The following AFF4 variants were observed in gnomAD, a reference collection of about 807,000 sequenced individuals.
AFF4 encodes the protein ALF transcription elongation factor 4.
A neutral mutation model predicts 124.8 loss-of-function variants in AFF4; 13 were observed. That is an observed-to-expected ratio of 0.10 (90% CI 0.07 to 0.17). AFF4 has a LOEUF of 0.17. Ranked by LOEUF, AFF4 falls within the 10% of genes least tolerant of loss-of-function variation. The pLI, the probability that AFF4 is intolerant of heterozygous loss-of-function variation, is 1.00. For missense variants in AFF4, 1,092 were observed against 1,403.8 expected (o/e 0.78, Z 3.55); for synonymous variants, 477 against 496.1 (o/e 0.96, Z 0.51).
chr5:132,958,267 A>G (rs1327198514), intron 1 of AFF4, among the ~76,000 whole-genome samples: 1 of 152,098 alleles, frequency 6.6e-6, no homozygotes, highest in Non-Finnish European at 1.5e-5. Flanking sequence ...GAGGTACACC[A>G]GCCTGGACAA....
chr5:132,881,232 T>A (rs1317585475), intron 20 of AFF4, 46 bp from the exon 21 acceptor site: 2 of 1,592,034 alleles, frequency 1.3e-6, no homozygotes, highest in African/African-American at 2.7e-5. Flanking sequence ...CTCTTTTGAA[T>A]CACTGCTTTA....
At chr5:132,959,870 T>A (rs535859336) in intron 1 of AFF4, among the ~76,000 whole-genome samples, 73 of 144,964 alleles carry the variant, frequency 5.0e-4, no homozygotes, top group South Asian at 2.2e-4. Flanking sequence ...GTTCACGCCA[T>A]TCTGCTGCCT....
At chr5:132,941,935 A>G (rs2150104424) in intron 1 of AFF4, among the ~76,000 whole-genome samples, 1 of 151,166 alleles carries the variant, frequency 6.6e-6, no homozygotes, top group East Asian at 2.0e-4. Flanking sequence ...TGAACCCAGG[A>G]GGCAGAGGTT....
chr5:132,957,536 C>A (rs1361786970), intron 1 of AFF4, among the ~76,000 whole-genome samples: 1 of 151,924 alleles, frequency 6.6e-6, no homozygotes, highest in Non-Finnish European at 1.5e-5. Context: ...AGTTCGAGAT[C>A]AGCCTGGTCA....
rs760998648 is a variant in AFF4 at position 132,886,328 on chromosome 5, T to C, written c.3081A>G (p.Thr1027=). Residue 1027 remains threonine, a synonymous_variant, in exon 18 of 21, where the codon ACA becomes ACG. Coordinates refer to ENST00000265343, the MANE Select transcript of AFF4 (RefSeq NM_014423.4). ...TACTTACCTTCAGGTGCTCTGTCAG[T>C]GTCTTTGAGTACTTCAGAGCATTTT... The part of the protein sequence containing the change: ...KKENALKYSK[T]LTEHLKNSYN... 5 of 1,613,928 alleles carry C rather than the reference T, an allele frequency of 3.1e-6. No homozygotes were observed. Among genetic ancestry groups the C allele is most frequent in the Admixed American group, 1.7e-5 (1 of 59,962 alleles).
Position 132,897,069 on chromosome 5 carries a change from G to A in AFF4, c.1561C>T (p.Pro521Ser). 1 of 1,614,046 alleles carries A rather than the reference G, an allele frequency of 6.2e-7. No homozygotes were observed. Residue 521 changes from proline to serine, a missense_variant, in exon 11 of 21, where the codon CCT becomes TCT. By Grantham distance (74) the Pro-to-Ser change is moderately conservative (BLOSUM62 -1). Coordinates refer to ENST00000265343, the MANE Select transcript of AFF4 (RefSeq NM_014423.4). ...TGNSYTDTSGPKETSSATPGR... is the reference protein window; with the variant it reads ...TGNSYTDTSGSKETSSATPGR... ...GGAGTAGCGGAACTCGTTTCTTTAG[G>A]TCCACTTGTATCAGTGTAGCTATTC...
chr5:132,927,396 A>G, intron 4 of AFF4, 189 bp from the exon 5 acceptor site: 1 of 486,914 alleles, frequency 2.1e-6, no homozygotes. Context: ...AAGATTAATA[A>G]ATGCTCCCTG....
At chr5:132,962,278 A>C (rs1762096994) in intron 1 of AFF4, among the ~76,000 whole-genome samples, 1 of 152,230 alleles carries the variant, frequency 6.6e-6, no homozygotes, top group South Asian at 2.1e-4. Flanking sequence ...TTACATTTAC[A>C]GTCTATTCAC....
chr5:132,889,798 A>G (rs1373387805), intron 13 of AFF4, among the ~76,000 whole-genome samples: 4 of 151,776 alleles, frequency 2.6e-5, no homozygotes, highest in African/African-American at 4.9e-5. Flanking sequence ...TCTCATCCAC[A>G]TGTCTTTTTT....
intron 1 of AFF4, among the ~76,000 whole-genome samples, chr5:132,959,127 A>ATTT (rs70974064): frequency 1.4e-5 from 2 of 143,182 alleles, no homozygotes; most frequent in Non-Finnish European, 3.1e-5. Context: ...CAGGTTACAG[A>ATTT]TTTTTTTTTT....
chr5:132,893,429 C>A (rs530125417), intron 11 of AFF4, among the ~76,000 whole-genome samples: 1 of 152,242 alleles, frequency 6.6e-6, no homozygotes, highest in Non-Finnish European at 1.5e-5. Flanking sequence ...ACATAAAATT[C>A]ACTCTTTAGA....
Position 132,883,443 on chromosome 5 carries a change from C to T in AFF4, c.3261G>A (p.Gln1087=), listed in dbSNP as rs369587813. 243 of 1,613,956 alleles carry T rather than the reference C, an allele frequency of 1.5e-4. No homozygotes were observed. Among genetic ancestry groups the T allele is most frequent in the Non-Finnish European group, 1.9e-4 (229 of 1,180,030 alleles). Reference sequence around the variant, plus strand: ...AGCTGGCTGCCATCTGGTGGATCTTCTGTGGAATGGTCACTGAAGAACCAC... The same window carrying T: ...AGCTGGCTGCCATCTGGTGGATCTTTTGTGGAATGGTCACTGAAGAACCAC... The part of the protein sequence containing the change: ...SASGSSVTIP[Q]KIHQMAASYV... Residue 1087 remains glutamine, a synonymous_variant, in exon 20 of 21, where the codon CAG becomes CAA. Transcript: ENST00000265343.
chr5:132,932,119 G>A, intron 4 of AFF4, 59 bp downstream of exon 4: 1 of 1,269,236 alleles, frequency 7.9e-7, no homozygotes, highest in Non-Finnish European at 1.1e-6. Context: ...AAGAGGGTAA[G>A]AAGGTGGCAG....
intron 12 of AFF4, among the ~76,000 whole-genome samples, chr5:132,892,824 AAAGG>A (rs1279886209): frequency 1.3e-5 from 2 of 152,206 alleles, no homozygotes; most frequent in Non-Finnish European, 2.9e-5. Context: ...AAAAATGAAT[AAAGG>A]AAGAACTAAT....
chr5:132,903,376 C>A (rs1361819198), intron 6 of AFF4, among the ~76,000 whole-genome samples: 1 of 152,124 alleles, frequency 6.6e-6, no homozygotes, highest in East Asian at 1.9e-4. Flanking sequence ...AACTAAGGAT[C>A]AAAAAGTTCC....
At chr5:132,953,822 G>A (rs1040828825) in intron 1 of AFF4, among the ~76,000 whole-genome samples, 3 of 151,928 alleles carry the variant, frequency 2.0e-5, no homozygotes, top group Admixed American at 6.6e-5. Flanking sequence ...TTGAATAAAC[G>A]CTACAGCCTT....
chr5:132,901,119 A>T, intron 7 of AFF4: 1 of 985,438 alleles, frequency 1.0e-6, no homozygotes, highest in Non-Finnish European at 1.2e-6. Flanking sequence ...ATCTATCTCT[A>T]CGACTGATTT....
At chr5:132,924,152 G>C (rs1320707804) in intron 5 of AFF4, among the ~76,000 whole-genome samples, 1 of 152,112 alleles carries the variant, frequency 6.6e-6, no homozygotes, top group East Asian at 1.9e-4. Flanking sequence ...TACTTAGGAG[G>C]CTGAGGCAGG....
At position 132,896,930 on chromosome 5, in the gene AFF4, GGTT is replaced by G; in HGVS notation, c.1697_1699del (p.Gln566del). ...AGCAGCTGCCTTCTCAGCCTTTTTG[GGTT>G]GTTTTTTGCCTACAGTTCTTCTCTG... is the stretch of plus-strand genomic sequence containing the variant. On this transcript the variant is annotated inframe_deletion, in exon 11 of 21. Transcript: ENST00000265343. 6.2e-7 allele frequency: 1 copy of G among 1,614,076 alleles called. No homozygotes were observed. Among genetic ancestry groups the G allele is most frequent in the Non-Finnish European group, 8.5e-7 (1 of 1,180,010 alleles).
Sources: gnomAD v4.1 joint callset for allele counts (sites outside exome capture counted in the v4.1 genomes callset) on GRCh38, gnomAD v4.1.1 for gene constraint, MANE v1.5 for transcripts, NCBI Gene and HGNC (gene_info 2026-07-23, HGNC 2026-07-21) for gene names.